Variants in ALG8 observed in about 807,000 individuals in gnomAD.
The protein encoded by ALG8 is dolichyl pyrophosphate Glc1Man9GlcNAc2 alpha-1,3-glucosyltransferase.
ALG8 carries 48 observed loss-of-function variants against 70.2 expected under a neutral mutation model. The observed-to-expected ratio is 0.68, with a 90% CI of 0.54 to 0.87. ALG8 has a LOEUF of 0.87. Among genes scored for constraint, ALG8 ranks in the 40% least tolerant of loss-of-function variants. The probability of loss-of-function intolerance (pLI) is 0.00; values close to 1 mark genes in which losing one functional copy is unlikely to be tolerated. For missense variants in ALG8, 572 were observed against 608.7 expected, an observed-to-expected ratio of 0.94 and a Z score of 0.64; for synonymous variants, 234 against 229.0, an observed-to-expected ratio of 1.02 and a Z score of -0.20.
intron 1 of ALG8, chr11:78,133,396 C>G (rs693267): frequency 6.6e-6 from 1 of 152,182 alleles, no homozygotes; most frequent in African/African-American, 2.4e-5. Flanking sequence ...AGAGCATTAA[C>G]TACAATTAAA....
intron 4 of ALG8, among the ~76,000 whole-genome samples, 153 bp downstream of exon 4, chr11:78,120,912 G>A (rs1460070645): frequency 6.6e-5 from 10 of 152,044 alleles, no homozygotes; most frequent in Admixed American, 5.9e-4. Context: ...AGTGAAGTTG[G>A]GCAGAGACCA....
intron 5 of ALG8, among the ~76,000 whole-genome samples, chr11:78,115,676 C>A (rs1038570964): frequency 6.6e-6 from 1 of 152,134 alleles, no homozygotes; most frequent in African/African-American, 2.4e-5. Flanking sequence ...TGAGCCACTG[C>A]GACCAGCCCA....
chr11:78,105,308 CTAT>C (rs565891521), intron 10 of ALG8, among the ~76,000 whole-genome samples: 35 of 152,290 alleles, frequency 2.3e-4, no homozygotes, highest in Non-Finnish European at 4.0e-4. Flanking sequence ...AAGAAAGAGG[CTAT>C]TATTACCATT....
chr11:78,121,235 C>T, intron 3 of ALG8, 61 bp from the exon 4 acceptor site: 2 of 1,153,340 alleles, frequency 1.7e-6, no homozygotes, highest in Non-Finnish European at 2.6e-6. Context: ...AACATCACTT[C>T]TGCAGAGTAA....
intron 12 of ALG8, 86 bp downstream of exon 12, chr11:78,103,894 A>C (rs1009028557): frequency 9.3e-6 from 7 of 750,998 alleles, no homozygotes; most frequent in Non-Finnish European, 1.3e-5. Context: ...TTATAACTTA[A>C]AAATAAAATT....
intron 5 of ALG8, 98 bp downstream of exon 5, chr11:78,119,084 C>G: frequency 1.1e-6 from 1 of 910,876 alleles, no homozygotes; most frequent in Non-Finnish European, 1.8e-6. Flanking sequence ...CAGCTCAAAA[C>G]AGTCAAATAA....
chr11:78,114,684 G>T, intron 5 of ALG8: 1 of 435,386 alleles, frequency 2.3e-6, no homozygotes. Flanking sequence ...ACTAAAATTA[G>T]GCTAAGTGTG....
chr11:78,130,361 A>AAAAAAAAGAAAAGAAAAAAAAG (rs928560857), intron 1 of ALG8, among the ~76,000 whole-genome samples: 14 of 132,636 alleles, frequency 1.1e-4, no homozygotes, highest in African/African-American at 4.1e-4. Flanking sequence ...AAAAAAAAAA[A>AAAAAAAAGAAAAGAAAAAAAAG]AAAAAAGGTG....
Position 78,112,746 on chromosome 11 carries a change from G to A in ALG8, c.802C>T (p.Arg268Ter), listed in dbSNP as rs772492143. ...AGGCCCCTCTTGAAAGGAAAGAGTC[G>A]GGAAAAGACTTGAGGCAGCTGATTC... Reference protein sequence around the residue: ...ALNQLPQVFSRLFPFKRGLCH... With the variant: ...ALNQLPQVFS The change falls in exon 8 of 13, where the codon CGA becomes TGA. Residue 268 changes from arginine to a stop codon, truncating the protein, a stop_gained. Coordinates refer to ENST00000299626, the MANE Select transcript of ALG8 (RefSeq NM_024079.5). LOFTEE classifies it high-confidence loss of function. The A allele has an allele frequency of 3.1e-6, 5 of 1,613,706 alleles. No homozygotes were observed. The highest frequency in any genetic ancestry group is 2.2e-5 in the East Asian group (1 of 44,876).
At chr11:78,130,361 A>AAAAAAAAAAAAAAAAAG (rs928560857) in intron 1 of ALG8, among the ~76,000 whole-genome samples, 38 of 132,636 alleles carry the variant, frequency 2.9e-4, no homozygotes, top group African/African-American at 1.1e-3. Context: ...AAAAAAAAAA[A>AAAAAAAAAAAAAAAAAG]AAAAAAGGTG....
intron 2 of ALG8, among the ~76,000 whole-genome samples, chr11:78,125,569 C>T (rs1236415462): frequency 6.9e-6 from 1 of 144,654 alleles, no homozygotes; most frequent in African/African-American, 2.6e-5. Flanking sequence ...AGTTCAAAAC[C>T]AGCCTGACCA....
At chr11:78,133,025 C>T (rs535564273) in intron 1 of ALG8, among the ~76,000 whole-genome samples, 85 of 151,910 alleles carry the variant, frequency 5.6e-4, no homozygotes, top group African/African-American at 1.8e-3. Context: ...TCAGTAGAGA[C>T]GGGGTTTCAT....
At chr11:78,116,046 A>T (rs1209235128) in intron 5 of ALG8, among the ~76,000 whole-genome samples, 1 of 152,202 alleles carries the variant, frequency 6.6e-6, no homozygotes, top group Non-Finnish European at 1.5e-5. Context: ...TAGGAAAACT[A>T]AAGGTATTCT....
chr11:78,121,585 A>C (rs1860828441), intron 3 of ALG8, among the ~76,000 whole-genome samples: 1 of 151,694 alleles, frequency 6.6e-6, no homozygotes, highest in South Asian at 2.1e-4. Flanking sequence ...AAATGGTAGC[A>C]CAAACAAGGA....
chr11:78,124,306 A>G, intron 2 of ALG8, 92 bp from the exon 3 acceptor site: 2 of 1,315,078 alleles, frequency 1.5e-6, no homozygotes, highest in South Asian at 2.4e-5. Flanking sequence ...TCTGGTCTTT[A>G]AAACAGCACA....
At chr11:78,132,925 C>T (rs527632427) in intron 1 of ALG8, among the ~76,000 whole-genome samples, 1 of 150,336 alleles carries the variant, frequency 6.7e-6, no homozygotes, top group East Asian at 2.0e-4. Flanking sequence ...CAAGCTCCGC[C>T]TTCCGGGTTC....
intron 1 of ALG8, among the ~76,000 whole-genome samples, chr11:78,135,503 G>A (rs1267876305): frequency 6.6e-6 from 1 of 151,954 alleles, no homozygotes; most frequent in Non-Finnish European, 1.5e-5. Flanking sequence ...CTTGAGCCTA[G>A]GAATTCCAGG....
At chr11:78,115,935 C>T (rs1413987082) in intron 5 of ALG8, among the ~76,000 whole-genome samples, 6 of 152,112 alleles carry the variant, frequency 3.9e-5, no homozygotes, top group African/African-American at 7.2e-5. Flanking sequence ...GGATGCTATG[C>T]TACCAAAAAA....
chr11:78,129,904 CAGT>C (rs1254125486), intron 1 of ALG8, among the ~76,000 whole-genome samples: 1 of 151,756 alleles, frequency 6.6e-6, no homozygotes, highest in African/African-American at 2.4e-5. Context: ...AATGAAAAAA[CAGT>C]AATTACACAA....
Sources: allele counts gnomAD v4.1 joint callset (sites outside exome capture counted in the v4.1 genomes callset), GRCh38; gene constraint gnomAD v4.1.1; transcripts MANE v1.5; gene names NCBI Gene and HGNC (gene_info 2026-07-23, HGNC 2026-07-21).